AFG2A: variants seen among roughly 807,000 people sequenced by gnomAD.
The protein encoded by AFG2A is AAA ATPase AFG2A.
At chr4:123,025,226 A>G in the AFG2A span, among the ~76,000 whole-genome samples, 1 of 152,050 alleles carries the variant, frequency 6.6e-6, no homozygotes, top group African/African-American at 2.4e-5. Context: ...ATCCAGTTAC[A>G]CTCTTCTGTT....
chr4:123,052,207 C>A, the AFG2A span, among the ~76,000 whole-genome samples: 1 of 152,034 alleles, frequency 6.6e-6, no homozygotes. Flanking sequence ...ATTCTTTCTT[C>A]CTTTTCATCA....
chr4:123,305,828 G>C, the AFG2A span, among the ~76,000 whole-genome samples: 1 of 152,166 alleles, frequency 6.6e-6, no homozygotes, highest in African/African-American at 2.4e-5. Flanking sequence ...GGAAAGAACC[G>C]TAGGCAATGT....
At chr4:123,015,419 A>C in the AFG2A span, among the ~76,000 whole-genome samples, 1 of 152,058 alleles carries the variant, frequency 6.6e-6, no homozygotes, top group Non-Finnish European at 1.5e-5. Context: ...GCATCTGTTT[A>C]ACAAAGCACA....
the AFG2A span, among the ~76,000 whole-genome samples, chr4:123,230,535 T>C: frequency 6.6e-6 from 1 of 151,934 alleles, no homozygotes; most frequent in Admixed American, 6.6e-5. Flanking sequence ...AAGTTATTCC[T>C]GAGGGTTGGA....
chr4:122,939,703 C>T, the AFG2A span, among the ~76,000 whole-genome samples: 3,255 of 151,820 alleles, frequency 0.021, 58 homozygotes, highest in Non-Finnish European at 0.035. Flanking sequence ...CATATGTATA[C>T]ATGTGCCATG....
the AFG2A span, among the ~76,000 whole-genome samples, chr4:122,940,180 A>G: frequency 2.0e-4 from 31 of 152,174 alleles, no homozygotes; most frequent in African/African-American, 7.5e-4. Context: ...TGGTATTTCT[A>G]GTTCTAGATC....
the AFG2A span, among the ~76,000 whole-genome samples, chr4:123,111,622 G>A: frequency 4.6e-5 from 7 of 152,016 alleles, no homozygotes; most frequent in Admixed American, 2.0e-4. Context: ...AGATAGCCAG[G>A]AAAGAGTAAA....
the AFG2A span, among the ~76,000 whole-genome samples, chr4:122,943,057 ATGTGGTCAATTATGGAATAGG>A: frequency 2.0e-5 from 3 of 152,142 alleles, no homozygotes; most frequent in Admixed American, 1.3e-4. Context: ...ACTTCCAACT[ATGTGGTCAATTATGGAATAGG>A]TGTGGTGTGG....
the AFG2A span, among the ~76,000 whole-genome samples, chr4:122,954,770 G>T: frequency 1.3e-5 from 2 of 152,226 alleles, no homozygotes; most frequent in Non-Finnish European, 2.9e-5. Context: ...GCACAGTCAA[G>T]AATGGCCAGC....
At chr4:123,111,290 A>G in the AFG2A span, among the ~76,000 whole-genome samples, 240 of 152,282 alleles carry the variant, frequency 1.6e-3, no homozygotes, top group Non-Finnish European at 2.8e-3. Flanking sequence ...CTGACTTAGC[A>G]TAGAGTTTTA....
chr4:123,124,403 C>A, the AFG2A span, among the ~76,000 whole-genome samples: 1 of 152,178 alleles, frequency 6.6e-6, no homozygotes, highest in Admixed American at 6.5e-5. Context: ...AAACCAAACA[C>A]CTCATGTTCT....
At chr4:123,069,562 C>T in the AFG2A span, among the ~76,000 whole-genome samples, 6 of 152,094 alleles carry the variant, frequency 3.9e-5, no homozygotes, top group African/African-American at 1.2e-4. Context: ...CAAAGAAATA[C>T]GGATTTTCTT....
At chr4:123,287,248 C>T in the AFG2A span, among the ~76,000 whole-genome samples, 9 of 152,166 alleles carry the variant, frequency 5.9e-5, no homozygotes, top group Non-Finnish European at 1.3e-4. Flanking sequence ...TTTACCTAAT[C>T]TCTACTGTTT....
chr4:122,928,170 G>A, the AFG2A span, among the ~76,000 whole-genome samples: 1 of 152,178 alleles, frequency 6.6e-6, no homozygotes, highest in African/African-American at 2.4e-5. Context: ...GATAGTGACA[G>A]TATTTCTCCC....
At chr4:123,066,194 TAA>T in the AFG2A span, among the ~76,000 whole-genome samples, 4 of 152,162 alleles carry the variant, frequency 2.6e-5, no homozygotes, top group African/African-American at 7.2e-5. Context: ...GTCTGCGTTT[TAA>T]AATAATAATC....
chr4:123,206,532 T>C, the AFG2A span, among the ~76,000 whole-genome samples: 22 of 152,298 alleles, frequency 1.4e-4, no homozygotes, highest in South Asian at 4.6e-3. Flanking sequence ...TGCAAAGCTG[T>C]ACAACTCCTT....
At chr4:123,302,345 T>G in the AFG2A span, among the ~76,000 whole-genome samples, 2 of 152,304 alleles carry the variant, frequency 1.3e-5, no homozygotes, top group South Asian at 4.1e-4. Flanking sequence ...CTGTCAGCTT[T>G]CTGGCTATAG....
the AFG2A span, among the ~76,000 whole-genome samples, chr4:123,133,500 G>A: frequency 6.6e-6 from 1 of 151,762 alleles, no homozygotes; most frequent in East Asian, 1.9e-4. Context: ...GTGTGTGTGT[G>A]TGTGTGTGTG....
the AFG2A span, among the ~76,000 whole-genome samples, chr4:123,236,548 T>C: frequency 1.3e-5 from 2 of 152,222 alleles, no homozygotes; most frequent in Non-Finnish European, 2.9e-5. Context: ...TTGTCTTACA[T>C]TCTGCCACAG....
Sources: gnomAD v4.1 joint callset for allele counts (sites outside exome capture counted in the v4.1 genomes callset) on GRCh38, gnomAD v4.1.1 for gene constraint, MANE v1.5 for transcripts, NCBI Gene and HGNC (gene_info 2026-07-23, HGNC 2026-07-21) for gene names.